Variants in HNRNPUL1 observed in about 807,000 individuals in gnomAD.
HNRNPUL1 encodes the protein heterogeneous nuclear ribonucleoprotein U-like protein 1.
In HNRNPUL1, 14 loss-of-function variants were observed where a neutral mutation model predicts 108.5. The ratio of observed to expected loss-of-function variants is 0.13; its 90% CI spans 0.09 to 0.20. The LOEUF (loss-of-function observed/expected upper bound fraction) is 0.20, where lower values mean the gene tolerates loss of function less well. HNRNPUL1 is among the 10% of genes least tolerant of loss of function. HNRNPUL1 has a pLI of 1.00. For missense variants in HNRNPUL1, 804 were observed against 1,168.3 expected, an observed-to-expected ratio of 0.69 and a Z score of 4.55; for synonymous variants, 422 against 445.2, an observed-to-expected ratio of 0.95 and a Z score of 0.66.
intron 1 of HNRNPUL1, among the ~76,000 whole-genome samples, chr19:41,266,963 G>GGTAGT (rs1442197339): frequency 2.0e-5 from 3 of 152,202 alleles, no homozygotes; most frequent in African/African-American, 7.2e-5. Flanking sequence ...AGCAAGAAAG[G>GGTAGT]GTAGTGGGTT....
At position 41,264,754 on chromosome 19, in the gene HNRNPUL1, A is replaced by C. The variant is rs1487130257; in HGVS notation, c.251A>C (p.Gln84Pro). 7.2e-7 allele frequency: 1 copy of C among 1,387,534 alleles called. No homozygotes were observed. The highest frequency in any genetic ancestry group is 9.3e-7 in the Non-Finnish European group (1 of 1,075,050). The allele number at this position is 1,387,534 out of a possible 1,614,324, so 86.0% of individuals were successfully genotyped here. Residue 84 changes from glutamine to proline, a missense_variant, in exon 1 of 15, where the codon CAG becomes CCG. By Grantham distance (76) the Gln-to-Pro change is moderately conservative (BLOSUM62 -1). Around this residue, in one of 4 missense-constraint regions of HNRNPUL1, gnomAD observed 256 missense variants for 261.6 expected, o/e 0.98. Coordinates refer to ENST00000392006, the MANE Select transcript of HNRNPUL1 (RefSeq NM_007040.6). ...GCGCAGCCACCGCCGCCCGGGCTGC[A>C]GCCGCACGCGGAGCCCGGCGGCTAC... ...GTAQPPPPGL[Q>P]PHAEPGGYSG...
intron 7 of HNRNPUL1, among the ~76,000 whole-genome samples, chr19:41,289,474 A>G (rs1436720087): frequency 2.0e-5 from 3 of 152,228 alleles, no homozygotes; most frequent in Non-Finnish European, 4.4e-5. Flanking sequence ...TAAAAATGGC[A>G]GGCTCTGAAT....
At position 41,292,073 on chromosome 19, in the gene HNRNPUL1, A is replaced by G. The variant is rs2036615018; in HGVS notation, c.1000-172A>G. ...AGGCAAGGAGGACTTTGGGCTGGAC[A>G]TTCTCTGAGATGTTCACTGATGCTG... On this transcript the variant is annotated intron_variant, in intron 7 of 14. Coordinates refer to ENST00000392006, the MANE Select transcript of HNRNPUL1 (RefSeq NM_007040.6). The surrounding 1 kb of genome is among the most constrained non-coding windows in gnomAD (Gnocchi z 4.1). Among the ~76,000 whole-genome samples the G allele has an allele frequency of 6.6e-6, 1 of 151,758 alleles. No individual in the cohort carries two copies.
intron 6 of HNRNPUL1, among the ~76,000 whole-genome samples, chr19:41,280,131 T>C (rs1449871044): frequency 6.6e-6 from 1 of 152,232 alleles, no homozygotes; most frequent in African/African-American, 2.4e-5. Flanking sequence ...AAATAGATGA[T>C]ATTCTCACTC....
rs1478444965 is a variant in HNRNPUL1 at position 41,270,294 on chromosome 19, A to T, written c.419-1788A>T. Among the ~76,000 whole-genome samples the T allele has an allele frequency of 5.3e-5, 8 of 150,762 alleles. No individual in the cohort carries two copies. The East Asian group carries it at 1.6e-3, about 30-fold the overall frequency. On this transcript the variant is annotated intron_variant, in intron 2 of 14. Coordinates refer to ENST00000392006, the MANE Select transcript of HNRNPUL1 (RefSeq NM_007040.6). ...CACTGAACCCGGCCAAGTCCCACCTACTCTGGACCCTGAGGTGGGAGGATC... is the reference window on the plus strand; with the variant it reads ...CACTGAACCCGGCCAAGTCCCACCTTCTCTGGACCCTGAGGTGGGAGGATC...
At chr19:41,274,233 A>G (rs927401163) in intron 4 of HNRNPUL1, among the ~76,000 whole-genome samples, 178 bp downstream of exon 4, 1 of 152,002 alleles carries the variant, frequency 6.6e-6, no homozygotes, top group Non-Finnish European at 1.5e-5. Flanking sequence ...CCTACTCCCA[A>G]CTCTAGCAGT....
rs2036670293 is a variant in HNRNPUL1, at chr19:41,292,858, C to G, written c.1266+347C>G. On this transcript the variant is annotated intron_variant, in intron 8 of 14. Coordinates refer to ENST00000392006, the MANE Select transcript of HNRNPUL1 (RefSeq NM_007040.6). This position sits in a 1 kb window ranked among gnomAD's most constrained non-coding sequence, Gnocchi z 4.1. ...GTGCCACCAAGTGTTCTTTTTTTTT[C>G]TTTAGAGACAGGGTCTCGCTCTGTC... is the stretch of plus-strand genomic sequence containing the variant. 6.6e-6 allele frequency among the ~76,000 whole-genome samples: 1 copy of G among 151,308 alleles called. No homozygotes were observed. Among genetic ancestry groups the G allele is most frequent in the Non-Finnish European group, 1.5e-5 (1 of 67,780 alleles).
At chr19:41,291,332 A>C (rs1039477222) in intron 7 of HNRNPUL1, among the ~76,000 whole-genome samples, 6 of 152,194 alleles carry the variant, frequency 3.9e-5, no homozygotes, top group Admixed American at 3.9e-4. Context: ...TCGGTCCCAG[A>C]TTATGCAGAC....
At chr19:41,273,264 C>A (rs562071230) in intron 3 of HNRNPUL1, among the ~76,000 whole-genome samples, 1 of 152,278 alleles carries the variant, frequency 6.6e-6, no homozygotes, top group Non-Finnish European at 1.5e-5. Flanking sequence ...GGGCCCTCCA[C>A]CAGAGGGAAG....
chr19:41,274,094 T>G, intron 4 of HNRNPUL1, 39 bp downstream of exon 4: 1 of 1,535,314 alleles, frequency 6.5e-7, no homozygotes, highest in Non-Finnish European at 9.0e-7. Context: ...TGCCTTACAG[T>G]CAGTATGGGG....
At position 41,294,327 on chromosome 19, in the gene HNRNPUL1, T is replaced by G. The variant is rs2036763708; in HGVS notation, c.1267-11T>G. 1.2e-6 allele frequency: 2 copies of G among 1,613,722 alleles called. No homozygotes were observed. The highest frequency in any genetic ancestry group is 1.7e-6 in the Non-Finnish European group (2 of 1,179,920). On this transcript the variant is annotated splice_polypyrimidine_tract_variant and intron_variant, in intron 8 of 14. Transcript: ENST00000392006. The surrounding 1 kb of genome is among the most constrained non-coding windows in gnomAD (Gnocchi z 4.3). Reference sequence around the variant, plus strand: ...CCATGCCGCAACACCTTCCCTGTCTTGTTCTTGTAGATTCTGATGATGGTG... The same window carrying G: ...CCATGCCGCAACACCTTCCCTGTCTGGTTCTTGTAGATTCTGATGATGGTG...
chr19:41,284,995 C>CAAA (rs773865440), intron 7 of HNRNPUL1, among the ~76,000 whole-genome samples: 5 of 61,436 alleles, frequency 8.1e-5, no homozygotes, highest in African/African-American at 1.7e-4. Flanking sequence ...GACTCTGTCT[C>CAAA]AAAAAAAAAA....
rs964879463 is a variant in HNRNPUL1, at chr19:41,272,187, A to G, written c.524A>G (p.Tyr175Cys). 3 of 1,614,016 alleles carry G rather than the reference A, an allele frequency of 1.9e-6. No homozygotes were observed. The African/African-American group carries it at 4.0e-5, about 22-fold the overall frequency. Residue 175 changes from tyrosine to cysteine, a missense_variant, in exon 3 of 15, where the codon TAT becomes TGT. Physicochemically the swap from Tyr to Cys is radical, Grantham distance 194 (BLOSUM62 -2). Coordinates refer to ENST00000392006, the MANE Select transcript of HNRNPUL1 (RefSeq NM_007040.6). ...RQQFQSRKRPYEENRGRGYFE... is the reference protein window; with the variant it reads ...RQQFQSRKRPCEENRGRGYFE... ...CAATTCCAGAGTCGAAAGAGGCCTTATGAAGAAAACCGGGGACGGGGGTAC... is the reference window on the plus strand; with the variant it reads ...CAATTCCAGAGTCGAAAGAGGCCTTGTGAAGAAAACCGGGGACGGGGGTAC...
chr19:41,303,250 G>C (rs2037341955), intron 12 of HNRNPUL1, among the ~76,000 whole-genome samples: 1 of 151,934 alleles, frequency 6.6e-6, no homozygotes, highest in Non-Finnish European at 1.5e-5. Flanking sequence ...ATAGGATCTA[G>C]ATCAAAATCT....
At chr19:41,268,595 C>T (rs908487732) in intron 2 of HNRNPUL1, among the ~76,000 whole-genome samples, 14 of 151,978 alleles carry the variant, frequency 9.2e-5, no homozygotes, top group African/African-American at 3.1e-4. Flanking sequence ...GTGGTGGCTC[C>T]CTCCTGTAAT....
chr19:41,263,199 A>AGTCT (rs2034606630), upstream of HNRNPUL1, among the ~76,000 whole-genome samples: 1 of 151,830 alleles, frequency 6.6e-6, no homozygotes, highest in Admixed American at 6.6e-5. Context: ...AGGCAGTGGG[A>AGTCT]GTCTGCATCA....
intron 10 of HNRNPUL1, among the ~76,000 whole-genome samples, chr19:41,295,911 G>C (rs1048616904): frequency 1.3e-5 from 2 of 152,174 alleles, no homozygotes; most frequent in Non-Finnish European, 2.9e-5. Flanking sequence ...TATCCCCCCA[G>C]CTCATATTGT....
At chr19:41,306,368 C>G (rs556796616) in intron 14 of HNRNPUL1, 81 bp from the exon 15 acceptor site, 1 of 879,592 alleles carries the variant, frequency 1.1e-6, no homozygotes, top group East Asian at 2.8e-5. Context: ...TGTCTCTGCC[C>G]TAGGTGAGGG....
chr19:41,298,691 C>T (rs1358170926), intron 10 of HNRNPUL1: 1 of 152,242 alleles, frequency 6.6e-6, no homozygotes, highest in Non-Finnish European at 1.5e-5. Context: ...GAGAAGCCAT[C>T]TCTGAGTCTA....
Sources: gnomAD v4.1 joint callset for allele counts (sites outside exome capture counted in the v4.1 genomes callset) on GRCh38, gnomAD v4.1.1 for gene constraint, gnomAD v4.1.1 regional missense constraint, Gnocchi (gnomAD v3.1) non-coding constraint, MANE v1.5 for transcripts, NCBI Gene and HGNC (gene_info 2026-07-23, HGNC 2026-07-21) for gene names.